NGEF: variants seen among roughly 807,000 people sequenced by gnomAD.
The protein encoded by NGEF is neuronal guanine nucleotide exchange factor.
In NGEF, 31 loss-of-function variants were observed where a neutral mutation model predicts 80.9. That is an observed-to-expected ratio of 0.38 (90% CI 0.29 to 0.52). The LOEUF (loss-of-function observed/expected upper bound fraction) is 0.52. Ranked by LOEUF, NGEF falls within the 20% of genes least tolerant of loss-of-function variation. NGEF has a pLI of 0.84. For synonymous variants in NGEF, 371 were observed against 370.2 expected, an observed-to-expected ratio of 1.00 and a Z score of -0.03; for missense variants, 709 against 926.2, an observed-to-expected ratio of 0.77 and a Z score of 3.04.
chr2:232,879,585 C>G lies in NGEF; in HGVS notation c.2037G>C (p.Gln679His). Residue 679 changes from glutamine (Q) to histidine (H), a missense_variant, in exon 15 of 15, where the codon CAG (glutamine) becomes CAC (histidine). Gln to His is a conservative substitution (Grantham distance 24). Around this residue, in one of 2 missense-constraint regions of NGEF, gnomAD observed 426 missense variants for 622.9 expected, o/e 0.68. Transcript: ENST00000264051. ...GGACACGGAAACATTCCTTGAGGTT[C>G]TGGGACCGGATCTTGGGATTCAAGA... ...EEILNPKIRS[Q>H]NLKECFRVHK... The G allele has an allele frequency of 6.2e-7, 1 of 1,613,924 alleles. No individual in the cohort carries two copies. The highest frequency in any genetic ancestry group is 8.5e-7 in the Non-Finnish European group (1 of 1,180,024).
Position 232,966,805 on chromosome 2 carries a change from G to A in NGEF, c.383+3409C>T, listed in dbSNP as rs56367947. Among the ~76,000 whole-genome samples the A allele has an allele frequency of 5.9e-4, 89 of 152,044 alleles. 1 individual carries two copies. The highest frequency in any genetic ancestry group is 7.4e-5 in the Non-Finnish European group (5 of 67,978). On this transcript the variant is annotated intron_variant, in intron 3 of 14. Transcript: ENST00000264051. ...GGACTCTTGCTCTGGCTTTGGGTCC[G>A]GGTTGTCAGTTACTTTTACTCTCAC...
chr2:232,916,125 A>G (rs1486874140), intron 5 of NGEF, among the ~76,000 whole-genome samples: 1 of 152,246 alleles, frequency 6.6e-6, no homozygotes, highest in Non-Finnish European at 1.5e-5. Flanking sequence ...AAATGAAAGT[A>G]CTGAAAGATT....
At chr2:232,994,342 C>G (rs1694733151) in intron 1 of NGEF, among the ~76,000 whole-genome samples, 1 of 146,304 alleles carries the variant, frequency 6.8e-6, no homozygotes, top group Non-Finnish European at 1.5e-5. Context: ...CCCACTTCAG[C>G]CTGGGTAACG....
At chr2:232,996,372 C>T (rs1429592440) in intron 1 of NGEF, among the ~76,000 whole-genome samples, 6 of 152,102 alleles carry the variant, frequency 3.9e-5, no homozygotes, top group Non-Finnish European at 8.8e-5. Context: ...CAACAGCAAC[C>T]GACCAATTGC....
intron 8 of NGEF, among the ~76,000 whole-genome samples, chr2:232,889,282 A>G (rs187883262): frequency 1.9e-3 from 294 of 152,332 alleles, no homozygotes; most frequent in African/African-American, 6.8e-3. Flanking sequence ...TGGTGGCCTC[A>G]GATGGAGGGC....
At chr2:232,961,867 A>C (rs937051790) in intron 3 of NGEF, among the ~76,000 whole-genome samples, 2 of 152,154 alleles carry the variant, frequency 1.3e-5, no homozygotes, top group Non-Finnish European at 2.9e-5. Flanking sequence ...ACTGCCATTT[A>C]TGTCAAGTGC....
chr2:232,887,965 C>A, intron 9 of NGEF, 68 bp downstream of exon 9: 1 of 1,200,960 alleles, frequency 8.3e-7, no homozygotes, highest in East Asian at 2.3e-5. Context: ...GGGAGCAGGG[C>A]CGGAAAGGTG....
chr2:232,959,330 G>A (rs1005345925), intron 3 of NGEF, among the ~76,000 whole-genome samples: 4 of 152,062 alleles, frequency 2.6e-5, no homozygotes, highest in Non-Finnish European at 5.9e-5. Flanking sequence ...GTCGGGCCAC[G>A]TTTCTTCAGT....
chr2:232,913,134 G>A (rs1172873957), intron 5 of NGEF, among the ~76,000 whole-genome samples: 1 of 152,132 alleles, frequency 6.6e-6, no homozygotes, highest in Non-Finnish European at 1.5e-5. Context: ...TAAACATAAT[G>A]CTATAAATCT....
At chr2:232,885,678 G>A (rs912010211) in intron 9 of NGEF, 1 of 324,616 alleles carries the variant, frequency 3.1e-6, no homozygotes, top group Non-Finnish European at 5.8e-6. Context: ...CGGACCGGCA[G>A]GGCTCCGGGC....
intron 5 of NGEF, among the ~76,000 whole-genome samples, chr2:232,900,053 C>T (rs1692257663): frequency 6.9e-6 from 1 of 145,076 alleles, no homozygotes; most frequent in Non-Finnish European, 1.5e-5. Context: ...CACACACGCT[C>T]TCACAGTCAC....
At chr2:233,011,330 T>G (rs530617532) in intron 1 of NGEF, among the ~76,000 whole-genome samples, 80 of 152,224 alleles carry the variant, frequency 5.3e-4, no homozygotes, top group Non-Finnish European at 1.1e-3. Flanking sequence ...GCTGACTCCT[T>G]ACTCGGGAAG....
intron 1 of NGEF, among the ~76,000 whole-genome samples, chr2:233,010,575 AT>A (rs5839464): frequency 0.12 from 17,434 of 148,448 alleles, 1,601 homozygotes; most frequent in African/African-American, 0.27. Context: ...TGAACGTGTG[AT>A]TTTTTTTTTT....
rs1351811744 is a variant in NGEF, at chr2:233,000,309, C to T, written c.-75+12759G>A. 2.6e-5 allele frequency among the ~76,000 whole-genome samples: 4 copies of T among 152,148 alleles called. No homozygotes were observed. The East Asian group carries it at 7.7e-4, about 29-fold the overall frequency. On this transcript the variant is annotated intron_variant, in intron 1 of 14. Transcript: ENST00000264051. ...GATGGGGTTTTGCCATGTTGCCAGG[C>T]TGATCTTGAACTCCTGGGCTCAAGC...
intron 8 of NGEF, among the ~76,000 whole-genome samples, chr2:232,889,072 G>C (rs1691796377): frequency 6.6e-6 from 1 of 152,090 alleles, no homozygotes; most frequent in Admixed American, 6.6e-5. Context: ...GGCCTCTCCT[G>C]TGGTCACCTG....
chr2:232,931,731 A>G (rs1693218357), intron 3 of NGEF, among the ~76,000 whole-genome samples: 1 of 152,218 alleles, frequency 6.6e-6, no homozygotes, highest in Admixed American at 6.5e-5. Context: ...AAGTGGGACA[A>G]AATGAAGGAA....
At chr2:233,004,413 A>G (rs1695045583) in intron 1 of NGEF, among the ~76,000 whole-genome samples, 1 of 152,158 alleles carries the variant, frequency 6.6e-6, no homozygotes, top group South Asian at 2.1e-4. Flanking sequence ...CCCTGGTCGC[A>G]GCAGCAGCAC....
At chr2:233,009,115 G>A (rs1480680740) in intron 1 of NGEF, among the ~76,000 whole-genome samples, 2 of 152,078 alleles carry the variant, frequency 1.3e-5, no homozygotes, top group Non-Finnish European at 2.9e-5. Flanking sequence ...TAATTTTTAA[G>A]TGTGCAGTTC....
At chr2:232,893,177 C>T in intron 6 of NGEF, 127 bp from the exon 7 acceptor site, 1 of 869,798 alleles carries the variant, frequency 1.1e-6, no homozygotes, top group Non-Finnish European at 1.7e-6. Context: ...AGCGTACAGG[C>T]CGACAAGATC....
Sources: gnomAD v4.1 joint callset for allele counts (sites outside exome capture counted in the v4.1 genomes callset) on GRCh38, gnomAD v4.1.1 for gene constraint, gnomAD v4.1.1 regional missense constraint, MANE v1.5 for transcripts, NCBI Gene and HGNC (gene_info 2026-07-23, HGNC 2026-07-21) for gene names.